The following CEP295 variants were observed in gnomAD, a reference collection of about 807,000 sequenced individuals.
CEP295 encodes centrosomal protein 295.
Under a neutral mutation model 291.6 loss-of-function variants are expected in CEP295, and 190 were observed. The observed-to-expected ratio is 0.65, with a 90% CI of 0.58 to 0.73. CEP295 has a LOEUF of 0.73. CEP295 is among the 30% of genes least tolerant of loss of function. CEP295 has a pLI of 0.00. For synonymous variants in CEP295, 993 were observed against 1,038.8 expected (o/e 0.96, Z 0.85); for missense variants, 2,863 against 2,949.4 (o/e 0.97, Z 0.68).
intron 8 of CEP295, 104 bp from the exon 9 acceptor site, chr11:93,683,860 C>T (rs2134967496): frequency 1.4e-6 from 2 of 1,418,850 alleles, no homozygotes; most frequent in South Asian, 1.4e-5. Flanking sequence ...AAGGAGGCCC[C>T]CCATATTTTA....
chr11:93,692,984 A>C (rs1282052117), intron 12 of CEP295, among the ~76,000 whole-genome samples: 5 of 149,544 alleles, frequency 3.3e-5, no homozygotes, highest in South Asian at 2.1e-4. Flanking sequence ...AAAAAAAAAA[A>C]AAAAAACAAA....
chr11:93,728,901 C>A, intron 25 of CEP295, 80 bp downstream of exon 25: 1 of 1,281,406 alleles, frequency 7.8e-7, no homozygotes, highest in Non-Finnish European at 1.1e-6. Flanking sequence ...TCAGAAGGTA[C>A]TCATTGGAGG....
intron 17 of CEP295, among the ~76,000 whole-genome samples, chr11:93,705,443 A>AT (rs1219957145): frequency 2.0e-5 from 3 of 151,786 alleles, no homozygotes; most frequent in Non-Finnish European, 2.9e-5. Flanking sequence ...TGATCTTTCC[A>AT]TTTTTTCTTC....
At chr11:93,713,532 C>T (rs1184666545) in intron 18 of CEP295, among the ~76,000 whole-genome samples, 1 of 152,174 alleles carries the variant, frequency 6.6e-6, no homozygotes, top group Non-Finnish European at 1.5e-5. Context: ...TGCTGCTAGA[C>T]GTATTGGAGC....
chr11:93,719,244 G>C (rs200221814), intron 18 of CEP295, among the ~76,000 whole-genome samples: 2 of 121,440 alleles, frequency 1.6e-5, no homozygotes, highest in Non-Finnish European at 3.5e-5. Context: ...TTTTTTTTCC[G>C]GGTTTTTTTT....
In CEP295 at chr11:93,718,345, C is replaced by T. The variant is rs139184070; in HGVS notation, c.5750-2967C>T. ...TGTACTGTCTGCCCTTGTAGGAAAACAGGAAATGGTGCCTTCCTGCATGGC... is the reference window on the plus strand; with the variant it reads ...TGTACTGTCTGCCCTTGTAGGAAAATAGGAAATGGTGCCTTCCTGCATGGC... On this transcript the variant is annotated intron_variant, in intron 18 of 29. Coordinates refer to ENST00000325212, the MANE Select transcript of CEP295 (RefSeq NM_033395.2). Among the ~76,000 whole-genome samples the T allele has an allele frequency of 3.3e-5, 5 of 152,372 alleles. No homozygotes were observed. In the East Asian group the frequency reaches 9.6e-4, roughly 29 times the overall value.
intron 18 of CEP295, among the ~76,000 whole-genome samples, chr11:93,712,665 T>C (rs1952984222): frequency 6.6e-6 from 1 of 152,246 alleles, no homozygotes; most frequent in South Asian, 2.1e-4. Flanking sequence ...AGGTGAAGTG[T>C]ATTTCTTGTA....
intron 1 of CEP295, among the ~76,000 whole-genome samples, chr11:93,663,656 A>G (rs1414199417): frequency 1.3e-5 from 2 of 152,222 alleles, no homozygotes; most frequent in African/African-American, 4.8e-5. Context: ...GCAAATGGGA[A>G]TTCTAAGCCT....
intron 21 of CEP295, chr11:93,724,031 G>T (rs1271621795): frequency 9.6e-6 from 3 of 313,696 alleles, no homozygotes; most frequent in Non-Finnish European, 1.7e-5. Context: ...TTTGGTCACT[G>T]AGAGGATCCA....
chr11:93,697,384 T>C lies in CEP295; in HGVS notation c.2472T>C (p.Ser824=). 6.4e-7 allele frequency: 1 copy of C among 1,552,166 alleles called. No homozygotes were observed. The highest frequency in any genetic ancestry group is 8.7e-7 in the Non-Finnish European group (1 of 1,147,088). ...AAAGTACAGTTTCCACAAGCCATTC[T>C]ATAATCAGCCAAATGCATGATAGGC... is the stretch of plus-strand genomic sequence containing the variant. The part of the protein sequence containing the change: ...MSKSTVSTSH[S]IISQMHDRPL... The change falls in exon 15 of 30, where the codon TCT becomes TCC. Residue 824 remains serine (S), a synonymous_variant. Coordinates refer to ENST00000325212, the MANE Select transcript of CEP295 (RefSeq NM_033395.2).
chr11:93,721,674 G>GTA (rs768013860), intron 19 of CEP295: 5 of 705,648 alleles, frequency 7.1e-6, no homozygotes, highest in Non-Finnish European at 1.3e-5. Flanking sequence ...TGGTGTGTGT[G>GTA]TGTGTGTGTG....
rs531038770 is a variant in CEP295 at position 93,702,966 on chromosome 11, T to C, written c.5596+47T>C. On this transcript the variant is annotated intron_variant, in intron 17 of 29. Coordinates refer to ENST00000325212, the MANE Select transcript of CEP295 (RefSeq NM_033395.2). ...ACAAGATTTTTAAATAATTTGCCAG[T>C]TTTCTACTTTTTTTTTAGATGGAGC... The C allele has an allele frequency of 6.1e-5, 90 of 1,476,094 alleles. 1 individual carries two copies. In the South Asian group the frequency reaches 1.0e-3, roughly 17 times the overall value. The allele number at this position is 1,476,094 out of a possible 1,614,324, so 91.4% of individuals were successfully genotyped here.
At chr11:93,727,834 A>G (rs1432830661) in intron 24 of CEP295, 197 bp downstream of exon 24, 1 of 493,892 alleles carries the variant, frequency 2.0e-6, no homozygotes. Context: ...AACCTGAAAC[A>G]AAATACAAGC....
intron 1 of CEP295, among the ~76,000 whole-genome samples, chr11:93,665,854 A>G (rs910640303): frequency 3.3e-5 from 5 of 152,238 alleles, no homozygotes; most frequent in African/African-American, 1.2e-4. Flanking sequence ...TGAGGTAACA[A>G]TGACACTTGG....
At position 93,725,703 on chromosome 11, in the gene CEP295, C is replaced by A. The variant is rs182062747; in HGVS notation, c.6371C>A (p.Thr2124Lys). 4.5e-6 allele frequency: 7 copies of A among 1,551,294 alleles called. No homozygotes were observed. The Admixed American group carries it at 1.4e-4, about 31-fold the overall frequency. Residue 2124 changes from threonine to lysine, a missense_variant, in exon 23 of 30, where the codon ACA becomes AAA. This residue lies in a region of CEP295 where 2,295 missense variants were observed against 2,335.7 expected (regional missense o/e 0.98). Coordinates refer to ENST00000325212, the MANE Select transcript of CEP295 (RefSeq NM_033395.2). ...TGTGCTACTGGATTATCCAAAAGTA[C>A]AGTTTATTTCACAGCACTGAGGAGG... ...SHCATGLSKS[T>K]VYFTALRRTS...
intron 18 of CEP295, among the ~76,000 whole-genome samples, chr11:93,708,077 T>TG (rs1952638393): frequency 6.6e-6 from 1 of 152,218 alleles, no homozygotes; most frequent in Admixed American, 6.5e-5. Context: ...TATCTATTTA[T>TG]GGGGTATATG....
intron 12 of CEP295, among the ~76,000 whole-genome samples, chr11:93,693,732 C>T (rs558757684): frequency 3.3e-5 from 5 of 151,320 alleles, no homozygotes; most frequent in East Asian, 1.9e-4. Context: ...TTCGCCTGGG[C>T]GACAAGAGCG....
chr11:93,730,215 T>G lies in CEP295; in HGVS notation c.7768-16T>G. The G allele has an allele frequency of 6.4e-7, 1 of 1,551,356 alleles. No individual in the cohort carries two copies. The highest frequency in any genetic ancestry group is 8.7e-7 in the Non-Finnish European group (1 of 1,146,898). On this transcript the variant is annotated splice_polypyrimidine_tract_variant and intron_variant, in intron 29 of 29. Coordinates refer to ENST00000325212, the MANE Select transcript of CEP295 (RefSeq NM_033395.2). ...GAAGTACACAACTGAAACTCAAATTTTTATTCCTTCCACAGAAAACACTAG... is the reference window on the plus strand; with the variant it reads ...GAAGTACACAACTGAAACTCAAATTGTTATTCCTTCCACAGAAAACACTAG...
rs566954779 is a variant in CEP295, at chr11:93,727,041, G to T, written c.6565G>T (p.Asp2189Tyr). 3 of 1,551,468 alleles carry T rather than the reference G, an allele frequency of 1.9e-6. No homozygotes were observed. The South Asian group carries it at 3.6e-5, about 18-fold the overall frequency. The change falls in exon 24 of 30, where the codon GAT becomes TAT. Residue 2189 changes from aspartate to tyrosine, a missense_variant. Asp to Tyr is a radical substitution (Grantham distance 160). Transcript: ENST00000325212. ...YSSQEESQHA[D>Y]LPSIFSIEAR... ...TTCACAGGAGGAGAGCCAGCATGCT[G>T]ATCTACCAAGTATTTTTAGCATTGA... is the stretch of plus-strand genomic sequence containing the variant.
Sources: gnomAD v4.1 joint callset for allele counts (sites outside exome capture counted in the v4.1 genomes callset) on GRCh38, gnomAD v4.1.1 for gene constraint, gnomAD v4.1.1 regional missense constraint, MANE v1.5 for transcripts, NCBI Gene and HGNC (gene_info 2026-07-23, HGNC 2026-07-21) for gene names.